DOCK3: variants seen among roughly 807,000 people sequenced by gnomAD.
The protein encoded by DOCK3 is dedicator of cytokinesis protein 3.
A neutral mutation model predicts 265.6 loss-of-function variants in DOCK3; 60 were observed. The observed-to-expected ratio is 0.23, with a 90% CI of 0.18 to 0.28. The LOEUF (loss-of-function observed/expected upper bound fraction) is 0.28. DOCK3 is among the 10% of genes least tolerant of loss of function. DOCK3 has a pLI of 1.00. For synonymous variants in DOCK3, 881 were observed against 938.0 expected, an observed-to-expected ratio of 0.94 and a Z score of 1.11; for missense variants, 1,981 against 2,594.3, an observed-to-expected ratio of 0.76 and a Z score of 5.14.
intron 2 of DOCK3, among the ~76,000 whole-genome samples, chr3:50,820,598 A>G (rs2044351430): frequency 2.6e-5 from 4 of 152,086 alleles, no homozygotes; most frequent in African/African-American, 4.8e-5. Flanking sequence ...GGCTGTTTCC[A>G]TGTCTTTGCT....
intron 27 of DOCK3, among the ~76,000 whole-genome samples, chr3:51,291,756 G>C (rs1257931755): frequency 1.3e-5 from 2 of 152,146 alleles, no homozygotes; most frequent in South Asian, 4.1e-4. Flanking sequence ...CATGGGGCTA[G>C]CATTACCCTG....
intron 4 of DOCK3, among the ~76,000 whole-genome samples, chr3:50,919,216 T>C (rs1291405846): frequency 6.6e-6 from 1 of 152,238 alleles, no homozygotes; most frequent in Non-Finnish European, 1.5e-5. Context: ...TTTGTTCTTT[T>C]GGCTTAGGAT....
chr3:50,953,201 C>G (rs972761756), intron 5 of DOCK3, among the ~76,000 whole-genome samples: 5 of 152,000 alleles, frequency 3.3e-5, no homozygotes, highest in African/African-American at 9.7e-5. Context: ...AAAAAGACCC[C>G]AGTCTTAAAA....
intron 5 of DOCK3, among the ~76,000 whole-genome samples, chr3:50,968,411 C>G (rs765076885): frequency 3.3e-5 from 5 of 152,102 alleles, no homozygotes; most frequent in Admixed American, 2.0e-4. Context: ...GAAGTCTGAG[C>G]TTTTAGTGTA....
In DOCK3 at chr3:51,322,986, A is replaced by G. The variant is rs370223208; in HGVS notation, c.3403-7152A>G. On this transcript the variant is annotated intron_variant, in intron 32 of 52. Transcript: ENST00000266037. ...AAATGGAAAGCAAAAAAAAAAAAGCAGGGGTTGCAATCCTAGTATCTGATA... is the reference window on the plus strand; with the variant it reads ...AAATGGAAAGCAAAAAAAAAAAAGCGGGGGTTGCAATCCTAGTATCTGATA... 7.2e-4 allele frequency among the ~76,000 whole-genome samples: 109 copies of G among 152,014 alleles called. 2 individuals carry two copies. The South Asian group carries it at 0.022, about 31-fold the overall frequency.
At chr3:51,090,976 G>A (rs2082615248) in intron 9 of DOCK3, among the ~76,000 whole-genome samples, 1 of 152,144 alleles carries the variant, frequency 6.6e-6, no homozygotes, top group African/African-American at 2.4e-5. Context: ...ATTAGAAATG[G>A]AAGTTATAAC....
At chr3:50,708,409 T>A (rs1413162064) in intron 1 of DOCK3, among the ~76,000 whole-genome samples, 1 of 152,164 alleles carries the variant, frequency 6.6e-6, no homozygotes, top group Non-Finnish European at 1.5e-5. Flanking sequence ...GGGGACCTGG[T>A]TGCACTGCTG....
chr3:51,084,813 G>A (rs2082362849), intron 7 of DOCK3, among the ~76,000 whole-genome samples: 2 of 152,218 alleles, frequency 1.3e-5, no homozygotes, highest in South Asian at 4.2e-4. Flanking sequence ...AACAACAGGA[G>A]TGAGTCCTTA....
At chr3:51,227,561 A>C in intron 16 of DOCK3, 116 bp downstream of exon 16, 4 of 1,430,564 alleles carry the variant, frequency 2.8e-6, no homozygotes, top group Non-Finnish European at 2.8e-6. Flanking sequence ...AGTTAGGAAT[A>C]AACAGCTACT....
At chr3:51,346,124 A>G (rs1317810666) in intron 38 of DOCK3, among the ~76,000 whole-genome samples, 2 of 152,150 alleles carry the variant, frequency 1.3e-5, no homozygotes, top group African/African-American at 4.8e-5. Flanking sequence ...ATGACCCTCA[A>G]TCTAACCAAA....
rs1165442481 is a variant in DOCK3 at position 50,824,261 on chromosome 3, A to C, written c.122-17414A>C. The stretch of plus-strand genomic sequence containing the variant: ...AGCAATAGAGGTAACTTTTAACTAT[A>C]GTTCTCTGGTCACCTGGAAAGCGTT... On this transcript the variant is annotated intron_variant, in intron 2 of 52. Transcript: ENST00000266037. Among the ~76,000 whole-genome samples the C allele has an allele frequency of 6.6e-5, 10 of 152,192 alleles. 1 individual carries two copies. Among genetic ancestry groups the C allele is most frequent in the Admixed American group, 6.5e-4 (10 of 15,286 alleles).
intron 23 of DOCK3, among the ~76,000 whole-genome samples, chr3:51,262,145 A>G (rs1248069694): frequency 6.6e-6 from 1 of 152,230 alleles, no homozygotes; most frequent in African/African-American, 2.4e-5. Context: ...AGGGGATGAC[A>G]GACGCCTCAT....
intron 12 of DOCK3, among the ~76,000 whole-genome samples, chr3:51,198,494 C>T (rs1167517034): frequency 6.7e-6 from 1 of 149,034 alleles, no homozygotes; most frequent in Non-Finnish European, 1.5e-5. Flanking sequence ...AACAGAGCCA[C>T]TTGGGCCTCT....
At chr3:51,297,779 A>T (rs1462236827) in intron 27 of DOCK3, among the ~76,000 whole-genome samples, 1 of 79,420 alleles carries the variant, frequency 1.3e-5, no homozygotes, top group South Asian at 4.8e-4. Flanking sequence ...TACAAAAATA[A>T]TAATAATAAT....
At chr3:50,930,521 C>T (rs2051002673) in intron 4 of DOCK3, among the ~76,000 whole-genome samples, 1 of 152,202 alleles carries the variant, frequency 6.6e-6, no homozygotes, top group Admixed American at 6.5e-5. Flanking sequence ...AGCCCCGCTG[C>T]ACTCCCTCAC....
intron 10 of DOCK3, among the ~76,000 whole-genome samples, chr3:51,149,115 G>A (rs1291692324): frequency 1.3e-5 from 2 of 152,136 alleles, no homozygotes; most frequent in African/African-American, 4.8e-5. Context: ...ATTGTGAATG[G>A]GAGTTCACTC....
rs149901092 is a variant in DOCK3, at chr3:51,359,132, A to G, written c.4884+1055A>G. ...GCAAAAAATTCCCCCTCTAGGGATA[A>G]CCATGGCCACAGGAGCCCTGAGGGA... On this transcript the variant is annotated intron_variant, in intron 46 of 52. Coordinates refer to ENST00000266037, the MANE Select transcript of DOCK3 (RefSeq NM_004947.5). This position sits in a 1 kb window ranked among gnomAD's most constrained non-coding sequence, Gnocchi z 4.8. 4.0e-3 allele frequency among the ~76,000 whole-genome samples: 615 copies of G among 152,344 alleles called. 6 individuals carry two copies. Among genetic ancestry groups the G allele is most frequent in the African/African-American group, 0.014 (581 of 41,586 alleles).
At chr3:51,322,884 C>G (rs972304559) in intron 32 of DOCK3, among the ~76,000 whole-genome samples, 6 of 151,688 alleles carry the variant, frequency 4.0e-5, no homozygotes, top group Non-Finnish European at 8.8e-5. Context: ...CAAGACCCAT[C>G]GGTGTGCTGT....
At chr3:51,208,028 G>A (rs962690086) in intron 12 of DOCK3, among the ~76,000 whole-genome samples, 28 of 152,120 alleles carry the variant, frequency 1.8e-4, no homozygotes, top group African/African-American at 5.1e-4. Context: ...GCAGTTCTCC[G>A]GGAATTGACC....
Sources: allele counts gnomAD v4.1 joint callset (sites outside exome capture counted in the v4.1 genomes callset), GRCh38; gene constraint gnomAD v4.1.1; non-coding constraint Gnocchi (gnomAD v3.1); transcripts MANE v1.5; gene names NCBI Gene and HGNC (gene_info 2026-07-23, HGNC 2026-07-21).